The following ITGAM variants were observed in gnomAD, a reference collection of about 807,000 sequenced individuals.
The protein encoded by ITGAM is integrin alpha-M.
ITGAM carries 79 observed loss-of-function variants against 137.5 expected under a neutral mutation model. The ratio of observed to expected loss-of-function variants is 0.57; its 90% CI spans 0.48 to 0.69. The LOEUF is 0.69. ITGAM is among the 30% of genes least tolerant of loss of function. ITGAM has a pLI of 0.00. For missense variants in ITGAM, 1,343 were observed against 1,483.5 expected, an observed-to-expected ratio of 0.91 and a Z score of 1.56; for synonymous variants, 583 against 592.3, an observed-to-expected ratio of 0.98 and a Z score of 0.23.
At chr16:31,302,984 CTTTCTTTCTTTCTT>C (rs2080230010) in intron 14 of ITGAM, among the ~76,000 whole-genome samples, 1 of 78,706 alleles carries the variant, frequency 1.3e-5, no homozygotes, top group Non-Finnish European at 2.6e-5. Context: ...TTCTTTCTTT[CTTTCTTTCTTTCTT>C]TTTCTTTCTC....
At chr16:31,264,253 C>G (rs1297121750) in intron 2 of ITGAM, among the ~76,000 whole-genome samples, 1 of 151,880 alleles carries the variant, frequency 6.6e-6, no homozygotes, top group Non-Finnish European at 1.5e-5. Flanking sequence ...TCGAGACTAC[C>G]CTGGCCAACA....
intron 12 of ITGAM, among the ~76,000 whole-genome samples, chr16:31,282,791 T>G (rs2079984218): frequency 6.6e-6 from 1 of 152,244 alleles, no homozygotes; most frequent in South Asian, 2.1e-4. Flanking sequence ...TGCTCGTTAG[T>G]TGATGCAGTT....
intron 14 of ITGAM, 31 bp downstream of exon 14, chr16:31,297,985 A>AAGGACAGT: frequency 6.4e-7 from 1 of 1,554,394 alleles, no homozygotes; most frequent in Non-Finnish European, 8.9e-7. Context: ...TTGTCATGAC[A>AAGGACAGT]GTAGCCTCTT....
chr16:31,268,477 C>T (rs2079793848), intron 5 of ITGAM, among the ~76,000 whole-genome samples: 1 of 152,104 alleles, frequency 6.6e-6, no homozygotes, highest in Non-Finnish European at 1.5e-5. Flanking sequence ...GCCTAGACAA[C>T]ATAATGAGAC....
intron 1 of ITGAM, among the ~76,000 whole-genome samples, chr16:31,260,401 G>T (rs2079686326): frequency 1.3e-5 from 2 of 152,104 alleles, no homozygotes; most frequent in South Asian, 4.1e-4. Flanking sequence ...GCAGGTGTGA[G>T]ACCCCTTTCC....
intron 12 of ITGAM, among the ~76,000 whole-genome samples, chr16:31,286,037 C>T (rs565189483): frequency 7.9e-5 from 12 of 152,232 alleles, no homozygotes; most frequent in East Asian, 7.7e-4. Flanking sequence ...ATCTATCATT[C>T]CCATCTTTAT....
chr16:31,331,305 C>G, intron 29 of ITGAM, 30 bp downstream of exon 29: 1 of 1,240,950 alleles, frequency 8.1e-7, no homozygotes, highest in Non-Finnish European at 1.2e-6. Flanking sequence ...CACCCCCTCC[C>G]TTCATCCTCT....
intron 2 of ITGAM, among the ~76,000 whole-genome samples, chr16:31,264,167 CTGGGTGCAGGGGCTCACGCCTGTA>C (rs972942954): frequency 6.6e-6 from 1 of 151,708 alleles, no homozygotes; most frequent in African/African-American, 2.4e-5. Context: ...TGTGTGGAGG[CTGGGTGCAGGGGCTCACGCCTGTA>C]ATCCCAGCAT....
At chr16:31,321,860 G>A (rs1278764674) in intron 16 of ITGAM, among the ~76,000 whole-genome samples, 1 of 152,196 alleles carries the variant, frequency 6.6e-6, no homozygotes, top group Non-Finnish European at 1.5e-5. Flanking sequence ...CAGTTCTCCA[G>A]AGAACTGAAG....
chr16:31,331,903 GTGTGCGTGCA>G lies in ITGAM; in HGVS notation c.*202_*211del, dbSNP rs1364356660. On this transcript the variant is annotated 3_prime_UTR_variant, in exon 30 of 30. Coordinates refer to ENST00000544665, the MANE Select transcript of ITGAM (RefSeq NM_000632.4). ...TGTGCAAGTGTGTGCACATGTGTGCGTGTGCGTGCATGTGCACTTGCACGCCCATGTGTGA... is the reference window on the plus strand; with the variant it reads ...TGTGCAAGTGTGTGCACATGTGTGCGTGTGCACTTGCACGCCCATGTGTGA... 23 of 571,112 alleles carry G rather than the reference GTGTGCGTGCA, an allele frequency of 4.0e-5. 1 individual carries two copies. Among genetic ancestry groups the G allele is most frequent in the East Asian group, 6.1e-5 (2 of 32,572 alleles). 35.4% of individuals were successfully genotyped at this position (571,112 alleles called of 1,614,324 possible). A position where few individuals can be genotyped will look rare whatever the true frequency, so the allele number is the denominator to read the frequency against.
chr16:31,325,100 T>C, intron 19 of ITGAM, 69 bp downstream of exon 19: 1 of 1,500,254 alleles, frequency 6.7e-7, no homozygotes, highest in Non-Finnish European at 9.1e-7. Flanking sequence ...TTTCTCCTCC[T>C]GGCCCCCAAG....
chr16:31,299,069 T>C (rs1567266063), intron 14 of ITGAM, among the ~76,000 whole-genome samples: 1 of 152,192 alleles, frequency 6.6e-6, no homozygotes. Flanking sequence ...CATTTTTCTT[T>C]CTTTATGTTT....
intron 5 of ITGAM, among the ~76,000 whole-genome samples, chr16:31,268,642 T>A (rs1454929830): frequency 6.6e-6 from 1 of 152,168 alleles, no homozygotes; most frequent in Non-Finnish European, 1.5e-5. Context: ...CTCACTTCCT[T>A]TTCTAAGAAC....
intron 23 of ITGAM, among the ~76,000 whole-genome samples, 174 bp downstream of exon 23, chr16:31,328,404 ATG>A (rs2080531704): frequency 6.8e-6 from 1 of 146,930 alleles, no homozygotes; most frequent in Admixed American, 6.7e-5. Context: ...GTGATGATCT[ATG>A]TGCATGTTTG....
At chr16:31,311,678 C>T (rs926282317) in intron 14 of ITGAM, among the ~76,000 whole-genome samples, 12 of 152,210 alleles carry the variant, frequency 7.9e-5, no homozygotes, top group African/African-American at 2.7e-4. Context: ...CACTTTTACA[C>T]TGTTGGTGGG....
chr16:31,296,143 T>G (rs1423166950), intron 12 of ITGAM, among the ~76,000 whole-genome samples: 2 of 150,846 alleles, frequency 1.3e-5, no homozygotes, highest in African/African-American at 2.4e-5. Context: ...CTCTCTGTGT[T>G]GCCCAGGCTG....
intron 12 of ITGAM, among the ~76,000 whole-genome samples, chr16:31,278,716 A>G (rs984851694): frequency 6.6e-6 from 1 of 152,202 alleles, no homozygotes; most frequent in Non-Finnish European, 1.5e-5. Context: ...CACCCATGAT[A>G]TGGTGCCTAT....
chr16:31,263,706 A>C (rs1198986075), intron 2 of ITGAM, among the ~76,000 whole-genome samples: 3 of 147,982 alleles, frequency 2.0e-5, no homozygotes, highest in Non-Finnish European at 4.5e-5. Flanking sequence ...CTTTGAGTAC[A>C]CTGAGGAAAG....
intron 12 of ITGAM, among the ~76,000 whole-genome samples, chr16:31,283,906 G>A (rs1258395262): frequency 2.0e-5 from 3 of 152,134 alleles, no homozygotes; most frequent in Non-Finnish European, 4.4e-5. Flanking sequence ...ATGGGGTTTT[G>A]GTGTGGAAAT....
Sources: allele counts gnomAD v4.1 joint callset (sites outside exome capture counted in the v4.1 genomes callset), GRCh38; gene constraint gnomAD v4.1.1; transcripts MANE v1.5; gene names NCBI Gene and HGNC (gene_info 2026-07-23, HGNC 2026-07-21).